The following CACNG3 variants were observed in gnomAD, a reference collection of about 807,000 sequenced individuals.
CACNG3 encodes calcium voltage-gated channel auxiliary subunit gamma 3, also known as voltage-dependent calcium channel gamma-3 subunit.
In CACNG3, 3 loss-of-function variants were observed where a neutral mutation model predicts 28.5. The ratio of observed to expected loss-of-function variants is 0.11; its 90% CI spans 0.05 to 0.27. CACNG3 has a LOEUF of 0.27. Ranked by LOEUF, CACNG3 falls within the 10% of genes least tolerant of loss-of-function variation. CACNG3 has a pLI of 1.00. For missense variants in CACNG3, 236 were observed against 414.4 expected (o/e 0.57, Z 3.74); for synonymous variants, 174 against 162.2 (o/e 1.07, Z -0.55).
chr16:24,347,601 G>A (rs969776803), intron 2 of CACNG3, among the ~76,000 whole-genome samples: 10 of 152,174 alleles, frequency 6.6e-5, no homozygotes, highest in African/African-American at 2.2e-4. Flanking sequence ...AGACCTAGGA[G>A]AATAAATACA....
At chr16:24,270,869 G>A (rs903684098) in intron 1 of CACNG3, among the ~76,000 whole-genome samples, 1 of 152,212 alleles carries the variant, frequency 6.6e-6, no homozygotes. Flanking sequence ...TGAAGCAGGT[G>A]AGAGGCAAAG....
chr16:24,267,590 G>GA (rs1306981256), intron 1 of CACNG3, among the ~76,000 whole-genome samples: 1 of 151,466 alleles, frequency 6.6e-6, no homozygotes, highest in Admixed American at 6.6e-5. Flanking sequence ...GCCCCACCTA[G>GA]AAAAAAATAA....
intron 1 of CACNG3, among the ~76,000 whole-genome samples, chr16:24,293,393 A>G (rs723722): frequency 0.69 from 105,190 of 151,784 alleles, 36,589 homozygotes; most frequent in East Asian, 0.82. Flanking sequence ...TTGACAGCCA[A>G]TGAAGAGCAC....
intron 1 of CACNG3, among the ~76,000 whole-genome samples, chr16:24,276,266 T>G (rs1898752643): frequency 6.6e-6 from 1 of 152,248 alleles, no homozygotes; most frequent in South Asian, 2.1e-4. Flanking sequence ...AATATTTATG[T>G]TAACATGCAA....
chr16:24,323,074 TAAACTAGCTGTGCATACTGGCA>T (rs1177961834), intron 1 of CACNG3, among the ~76,000 whole-genome samples: 5 of 152,030 alleles, frequency 3.3e-5, no homozygotes. Flanking sequence ...AAAAACTTTT[TAAACTAGCTGTGCATACTGGCA>T]AATGCCTGTA....
chr16:24,302,852 G>GTT (rs1217904148), intron 1 of CACNG3, among the ~76,000 whole-genome samples: 16 of 152,008 alleles, frequency 1.1e-4, no homozygotes, highest in Non-Finnish European at 2.1e-4. Flanking sequence ...TAGATGCGGA[G>GTT]TTTCACCATG....
At chr16:24,302,368 T>C (rs1454415575) in intron 1 of CACNG3, among the ~76,000 whole-genome samples, 2 of 151,968 alleles carry the variant, frequency 1.3e-5, no homozygotes, top group Non-Finnish European at 2.9e-5. Context: ...CCCCTGGGAG[T>C]CTGTAAGAAA....
chr16:24,327,422 A>ATGTG (rs376287990), intron 1 of CACNG3, among the ~76,000 whole-genome samples: 1,476 of 101,702 alleles, frequency 0.015, 34 homozygotes, highest in African/African-American at 0.043. Context: ...GAATATATAT[A>ATGTG]TGTGTGTGTG....
chr16:24,259,844 G>A (rs980641915), intron 1 of CACNG3, among the ~76,000 whole-genome samples: 2 of 152,148 alleles, frequency 1.3e-5, no homozygotes, highest in Non-Finnish European at 2.9e-5. Flanking sequence ...AAACTACATC[G>A]TTTCCCAACT....
chr16:24,359,066 G>C (rs545612089), intron 3 of CACNG3, among the ~76,000 whole-genome samples: 12 of 151,780 alleles, frequency 7.9e-5, no homozygotes, highest in Admixed American at 7.9e-4. Flanking sequence ...CCCACTCCCC[G>C]CCACCCACCG....
At chr16:24,299,627 A>C (rs1177637524) in intron 1 of CACNG3, among the ~76,000 whole-genome samples, 1 of 152,246 alleles carries the variant, frequency 6.6e-6, no homozygotes. Context: ...AAATAGACAC[A>C]TTCATAACTA....
intron 1 of CACNG3, among the ~76,000 whole-genome samples, chr16:24,293,831 C>G (rs1344345646): frequency 6.6e-6 from 1 of 152,130 alleles, no homozygotes; most frequent in Non-Finnish European, 1.5e-5. Context: ...CCAAGGGACA[C>G]CTAGCAAGGG....
chr16:24,335,981 C>G (rs906027413), intron 1 of CACNG3, among the ~76,000 whole-genome samples: 1 of 151,892 alleles, frequency 6.6e-6, no homozygotes, highest in Admixed American at 6.5e-5. Flanking sequence ...GCTGGGATTA[C>G]AGGCGTCAGC....
chr16:24,312,579 G>T (rs996120999), intron 1 of CACNG3, among the ~76,000 whole-genome samples: 3 of 152,118 alleles, frequency 2.0e-5, no homozygotes, highest in Admixed American at 2.0e-4. Flanking sequence ...ACCCTGGGAG[G>T]TTAAAGCAGG....
At chr16:24,346,051 G>GA (rs549096350) in intron 1 of CACNG3, among the ~76,000 whole-genome samples, 287 of 152,202 alleles carry the variant, frequency 1.9e-3, no homozygotes, top group African/African-American at 6.4e-3. Flanking sequence ...TAAAATGAGC[G>GA]AAAAAAATGA....
intron 2 of CACNG3, among the ~76,000 whole-genome samples, chr16:24,352,195 G>A (rs149368933): frequency 2.6e-5 from 4 of 152,176 alleles, no homozygotes; most frequent in African/African-American, 9.6e-5. Flanking sequence ...AATGAAAACG[G>A]CCGGAGCTAA....
At chr16:24,314,254 A>C (rs1567216418) in intron 1 of CACNG3, among the ~76,000 whole-genome samples, 1 of 152,164 alleles carries the variant, frequency 6.6e-6, no homozygotes, top group East Asian at 1.9e-4. Context: ...TGGTTCAAAA[A>C]AGTGTTAAGA....
In CACNG3 at chr16:24,349,611, CGA is replaced by C. The variant is rs1452246624; in HGVS notation, c.295+2798_295+2799del. 3.9e-5 allele frequency among the ~76,000 whole-genome samples: 6 copies of C among 152,096 alleles called. No individual in the cohort carries two copies. The East Asian group carries it at 1.2e-3, about 29-fold the overall frequency. On this transcript the variant is annotated intron_variant, in intron 2 of 3. Coordinates refer to ENST00000005284, the MANE Select transcript of CACNG3 (RefSeq NM_006539.4). ...CATCTGTAAAGTGTCACGGCGCTGG[CGA>C]GAGTGTCTCTTCACATGCTAATGTA...
At chr16:24,357,970 G>A (rs1900056483) in intron 3 of CACNG3, among the ~76,000 whole-genome samples, 1 of 152,208 alleles carries the variant, frequency 6.6e-6, no homozygotes, top group African/African-American at 2.4e-5. Context: ...TGTGGAGGAA[G>A]CCTGACGGGA....
Sources: gnomAD v4.1 joint callset for allele counts (sites outside exome capture counted in the v4.1 genomes callset) on GRCh38, gnomAD v4.1.1 for gene constraint, MANE v1.5 for transcripts, NCBI Gene and HGNC (gene_info 2026-07-23, HGNC 2026-07-21) for gene names.